PI4KA: variants seen among roughly 807,000 people sequenced by gnomAD.
PI4KA encodes the protein PI4-kinase alpha.
Under a neutral mutation model 271.4 loss-of-function variants are expected in PI4KA, and 122 were observed. The ratio of observed to expected loss-of-function variants is 0.45; its 90% CI spans 0.39 to 0.52. PI4KA has a LOEUF of 0.52. PI4KA is among the 20% of genes least tolerant of loss of function. PI4KA has a pLI of 0.00. For missense variants in PI4KA, 1,969 were observed against 2,769.1 expected (o/e 0.71, Z 6.48); for synonymous variants, 1,041 against 1,078.8 (o/e 0.96, Z 0.69).
chr22:20,715,739 T>C (rs1925911311), intron 45 of PI4KA, among the ~76,000 whole-genome samples: 1 of 152,074 alleles, frequency 6.6e-6, no homozygotes, highest in African/African-American at 2.4e-5. Context: ...CCTCCCAAAG[T>C]GCTGGGATTA....
intron 19 of PI4KA, among the ~76,000 whole-genome samples, chr22:20,786,535 G>A (rs1408728832): frequency 6.6e-6 from 1 of 152,178 alleles, no homozygotes; most frequent in Non-Finnish European, 1.5e-5. Context: ...AAAAGAGAGA[G>A]AACACCAGTC....
chr22:20,804,505 T>C (rs1935521202), intron 11 of PI4KA, 105 bp from the exon 12 acceptor site: 4 of 792,718 alleles, frequency 5.0e-6, no homozygotes, highest in South Asian at 1.5e-5. Flanking sequence ...CCCAGAGACA[T>C]ACTTTAGGCA....
At chr22:20,821,446 C>T (rs749402732) in intron 4 of PI4KA, among the ~76,000 whole-genome samples, 1 of 151,978 alleles carries the variant, frequency 6.6e-6, no homozygotes, top group South Asian at 2.1e-4. Context: ...TCTCGAACTC[C>T]TGACCTCAGG....
At chr22:20,772,880 A>C (rs920514443) in intron 19 of PI4KA, among the ~76,000 whole-genome samples, 2 of 152,240 alleles carry the variant, frequency 1.3e-5, no homozygotes, top group Non-Finnish European at 2.9e-5. Flanking sequence ...ACTTGAGCCC[A>C]AGAGTTCAAG....
intron 23 of PI4KA, among the ~76,000 whole-genome samples, chr22:20,760,449 A>G (rs78109276): frequency 5.3e-4 from 81 of 152,292 alleles, no homozygotes; most frequent in African/African-American, 1.9e-3. Context: ...CTCTATTTTA[A>G]TATCTTTTTA....
intron 42 of PI4KA, among the ~76,000 whole-genome samples, chr22:20,724,808 T>C (rs1927155667): frequency 1.3e-5 from 2 of 151,776 alleles, no homozygotes; most frequent in Non-Finnish European, 1.5e-5. Context: ...ATCTCACCCT[T>C]ATGCTAGGCC....
chr22:20,731,281 G>C (rs1053427817), intron 36 of PI4KA, among the ~76,000 whole-genome samples: 1 of 152,144 alleles, frequency 6.6e-6, no homozygotes, highest in Non-Finnish European at 1.5e-5. Flanking sequence ...CCTTTAGTAC[G>C]GTGACAACTT....
At chr22:20,770,846 C>T (rs997580779) in intron 19 of PI4KA, among the ~76,000 whole-genome samples, 3 of 152,044 alleles carry the variant, frequency 2.0e-5, no homozygotes, top group South Asian at 4.1e-4. Context: ...CATGAGCCAC[C>T]GTGCCTGACC....
chr22:20,734,346 C>T (rs1461348384), intron 33 of PI4KA, 49 bp downstream of exon 33: 3 of 1,452,980 alleles, frequency 2.1e-6, no homozygotes, highest in East Asian at 2.3e-5. Context: ...ACAGTCCTGG[C>T]CCCCCAGGTG....
chr22:20,745,028 A>G (rs1219553582), intron 29 of PI4KA, among the ~76,000 whole-genome samples: 9 of 152,174 alleles, frequency 5.9e-5, no homozygotes, highest in Admixed American at 1.3e-4. Context: ...AACGCCATGA[A>G]AGCATTCACA....
chr22:20,764,837 C>A lies in PI4KA; in HGVS notation c.2688G>T (p.Val896=), dbSNP rs1932361722. Residue 896 remains valine (V), a synonymous_variant, in exon 22 of 55, where the codon GTG becomes GTT. Coordinates refer to ENST00000255882, the MANE Select transcript of PI4KA (RefSeq NM_058004.4). The stretch of plus-strand genomic sequence containing the variant: ...TGTACCTCATGTACTCCAGCCGGTA[C>A]ACAGAGAGGAGGTAGGTGGACATGG... ...DFAMSTYLLS[V]YRLEYMRVLR... 6.2e-7 allele frequency: 1 copy of A among 1,613,028 alleles called. No individual in the cohort carries two copies. The highest frequency in any genetic ancestry group is 1.3e-5 in the African/African-American group (1 of 74,922).
chr22:20,767,723 C>T, intron 19 of PI4KA, among the ~76,000 whole-genome samples: 1 of 151,720 alleles, frequency 6.6e-6, no homozygotes, highest in Middle Eastern at 3.2e-3. Context: ...CAACCTTTGC[C>T]TCCCAGGTTA....
intron 6 of PI4KA, 44 bp downstream of exon 6, chr22:20,819,597 C>A (rs762423114): frequency 2.4e-5 from 37 of 1,570,148 alleles, no homozygotes; most frequent in Non-Finnish European, 3.1e-5. Context: ...GGGAGCTTAA[C>A]AGGGTCTTTC....
At chr22:20,727,123 T>C (rs1927446633) in intron 41 of PI4KA, 107 bp downstream of exon 41, 4 of 945,794 alleles carry the variant, frequency 4.2e-6, no homozygotes, top group East Asian at 2.6e-5. Context: ...AGGACCAGTA[T>C]GTAACGGGGC....
chr22:20,780,175 T>G (rs752022208), intron 19 of PI4KA: 1 of 1,614,136 alleles, frequency 6.2e-7, no homozygotes, highest in Non-Finnish European at 8.5e-7. Flanking sequence ...ACCCAGATGA[T>G]GATTCTCAAC....
In PI4KA at chr22:20,727,594, T is replaced by C. The variant is rs1927516451; in HGVS notation, c.4773+180A>G. ...TGAAGTGCATTACATTTTTTTCTAC[T>C]GTGAACAAAATAAATGCTACAGACA... On this transcript the variant is annotated intron_variant, in intron 40 of 54. Transcript: ENST00000255882. 1.5e-5 allele frequency: 10 copies of C among 685,526 alleles called. No homozygotes were observed. The South Asian group carries it at 1.8e-4, about 12-fold the overall frequency. 42.5% of individuals were successfully genotyped at this position (685,526 alleles called of 1,614,324 possible). A position where few individuals can be genotyped will look rare whatever the true frequency, so the allele number is the denominator to read the frequency against.
At position 20,734,468 on chromosome 22, in the gene PI4KA, G is replaced by A; in HGVS notation, c.3827C>T (p.Pro1276Leu). Residue 1276 changes from proline to leucine, a missense_variant, in exon 33 of 55, where the codon CCC becomes CTC. By Grantham distance (98) the Pro-to-Leu change is moderately conservative. This residue lies in a region of PI4KA where 203 missense variants were observed against 256.8 expected (regional missense o/e 0.79). Transcript: ENST00000255882. ...LFSAEIKEAD[P>L]LAASEASQPK... is the part of the protein sequence containing the mutation. Reference sequence around the variant, plus strand: ...TTGACTTGCTTCCGAGGCAGCCAGGGGGTCTGCTTCCTTTATCTCAGCAGA... The same window carrying A: ...TTGACTTGCTTCCGAGGCAGCCAGGAGGTCTGCTTCCTTTATCTCAGCAGA... 6.2e-7 allele frequency: 1 copy of A among 1,613,542 alleles called. No individual in the cohort carries two copies. Among genetic ancestry groups the A allele is most frequent in the Non-Finnish European group, 8.5e-7 (1 of 1,179,780 alleles).
intron 19 of PI4KA, chr22:20,787,006 C>T (rs763461848): frequency 6.8e-6 from 11 of 1,614,148 alleles, no homozygotes; most frequent in South Asian, 4.4e-5. Flanking sequence ...TCCTCATCTA[C>T]GAGCATCGCA....
chr22:20,839,649 G>A (rs1925308963), intron 1 of PI4KA, among the ~76,000 whole-genome samples: 1 of 152,182 alleles, frequency 6.6e-6, no homozygotes, highest in African/African-American at 2.4e-5. Context: ...GGCCAATACG[G>A]TGAAACCCCG....
Sources: gnomAD v4.1 joint callset for allele counts (sites outside exome capture counted in the v4.1 genomes callset) on GRCh38, gnomAD v4.1.1 for gene constraint, gnomAD v4.1.1 regional missense constraint, MANE v1.5 for transcripts, NCBI Gene and HGNC (gene_info 2026-07-23, HGNC 2026-07-21) for gene names.